The following LRRC7 variants were observed in gnomAD, a reference collection of about 807,000 sequenced individuals.
LRRC7 encodes the protein leucine-rich repeat-containing protein 7.
In LRRC7, 23 loss-of-function variants were observed where a neutral mutation model predicts 175.7. The ratio of observed to expected loss-of-function variants is 0.13; its 90% CI spans 0.09 to 0.19. LRRC7 has a LOEUF of 0.19. LRRC7 is among the 10% of genes least tolerant of loss of function. The probability of loss-of-function intolerance (pLI) is 1.00; values close to 1 mark genes in which losing one functional copy is unlikely to be tolerated. For missense variants in LRRC7, 1,354 were observed against 1,904.7 expected (o/e 0.71, Z 5.38); for synonymous variants, 685 against 680.9 (o/e 1.01, Z -0.09).
At chr1:69,771,554 C>T (rs754281677) in intron 3 of LRRC7, among the ~76,000 whole-genome samples, 2 of 152,068 alleles carry the variant, frequency 1.3e-5, no homozygotes, top group African/African-American at 4.8e-5. Flanking sequence ...GATTCAACAA[C>T]AAATTTGCTG....
At chr1:70,031,367 A>G (rs903091450) in intron 18 of LRRC7, 1 of 152,178 alleles carries the variant, frequency 6.6e-6, no homozygotes, top group Non-Finnish European at 1.5e-5. Flanking sequence ...GTTTTTTTGA[A>G]TTAATAATTA....
intron 3 of LRRC7, among the ~76,000 whole-genome samples, chr1:69,764,262 C>A (rs893309595): frequency 1.3e-5 from 2 of 151,372 alleles, no homozygotes; most frequent in African/African-American, 4.9e-5. Flanking sequence ...GAGTAATAGA[C>A]CATAACAGGT....
chr1:69,864,456 A>C (rs958354501), intron 7 of LRRC7, among the ~76,000 whole-genome samples: 2 of 152,234 alleles, frequency 1.3e-5, no homozygotes, highest in Non-Finnish European at 2.9e-5. Flanking sequence ...TGTGTGAAAA[A>C]GCATATTGGC....
At chr1:69,717,256 A>G (rs1318680929) in intron 2 of LRRC7, among the ~76,000 whole-genome samples, 2 of 151,778 alleles carry the variant, frequency 1.3e-5, no homozygotes, top group Admixed American at 1.3e-4. Flanking sequence ...AGATATTTCT[A>G]TAACCACAGA....
At chr1:69,835,644 T>C (rs2101336009) in intron 6 of LRRC7, among the ~76,000 whole-genome samples, 1 of 152,136 alleles carries the variant, frequency 6.6e-6, no homozygotes, top group South Asian at 2.1e-4. Context: ...TTGAAAATAT[T>C]TAACAACCAT....
intron 1 of LRRC7, among the ~76,000 whole-genome samples, chr1:69,661,632 A>C (rs1657490320): frequency 6.6e-6 from 1 of 152,154 alleles, no homozygotes; most frequent in African/African-American, 2.4e-5. Flanking sequence ...AGTGACTAGA[A>C]ACCATTGCCT....
intron 1 of LRRC7, among the ~76,000 whole-genome samples, chr1:69,637,101 C>CCCG (rs1653501431): frequency 8.7e-6 from 1 of 115,192 alleles, no homozygotes; most frequent in African/African-American, 2.7e-5. Context: ...TCTCTCTTCC[C>CCCG]CTCCCCCGCT....
chr1:70,042,029 T>TTTCA (rs1659947323), intron 21 of LRRC7, among the ~76,000 whole-genome samples: 1 of 152,236 alleles, frequency 6.6e-6, no homozygotes, highest in African/African-American at 2.4e-5. Context: ...CCTAGGTGTC[T>TTTCA]TTCATTTTTC....
chr1:70,032,530 TC>T (rs1658863166), intron 18 of LRRC7, among the ~76,000 whole-genome samples: 1 of 152,172 alleles, frequency 6.6e-6, no homozygotes, highest in Non-Finnish European at 1.5e-5. Context: ...GCCAATTCCT[TC>T]CCCATCCTCC....
At chr1:69,634,731 G>T (rs1412297511) in intron 1 of LRRC7, among the ~76,000 whole-genome samples, 1 of 151,920 alleles carries the variant, frequency 6.6e-6, no homozygotes, top group Non-Finnish European at 1.5e-5. Context: ...CTTTCTTAGG[G>T]TACTTTGGAC....
intron 3 of LRRC7, among the ~76,000 whole-genome samples, chr1:69,780,556 G>T (rs940658338): frequency 6.6e-6 from 1 of 152,008 alleles, no homozygotes; most frequent in Non-Finnish European, 1.5e-5. Context: ...AAGGGTAAAT[G>T]ATGTCACAAT....
intron 1 of LRRC7, among the ~76,000 whole-genome samples, chr1:69,630,931 G>A (rs12078287): frequency 0.093 from 14,171 of 151,952 alleles, 1,126 homozygotes; most frequent in African/African-American, 0.22. Context: ...AGCCAGATCT[G>A]TAACTTCTTC....
chr1:69,617,547 T>A (rs373210451), intron 1 of LRRC7, among the ~76,000 whole-genome samples: 34 of 61,992 alleles, frequency 5.5e-4, no homozygotes, highest in South Asian at 7.6e-4. Flanking sequence ...ATACTCACAG[T>A]AAAAAAAAAA....
In LRRC7 at chr1:70,129,609, G is replaced by A. The variant is rs1208227848; in HGVS notation, c.*7722G>A. 6.6e-6 allele frequency among the ~76,000 whole-genome samples: 1 copy of A among 152,178 alleles called. No individual in the cohort carries two copies. Reference sequence around the variant, plus strand: ...CCTCCTATGACCACTGTCAGGGAGCGTGGGAATCCATGCTGTCCAATGTTA... The same window carrying A: ...CCTCCTATGACCACTGTCAGGGAGCATGGGAATCCATGCTGTCCAATGTTA... On this transcript the variant is annotated 3_prime_UTR_variant, in exon 27 of 27. Transcript: ENST00000651989.
In LRRC7 at chr1:69,920,317, TA is replaced by T. The variant is rs796335027; in HGVS notation, c.648-11177del. On this transcript the variant is annotated intron_variant, in intron 7 of 26. Coordinates refer to ENST00000651989, the MANE Select transcript of LRRC7 (RefSeq NM_001370785.2). ...CACCCCCAATTAAATCCGGAACCAC[TA>T]AAAAAAAAAAAACCACCAAGGATGC... 5.7e-3 allele frequency: 784 copies of T among 138,454 alleles called. 4 individuals are homozygous for T. The highest frequency in any genetic ancestry group is 0.024 in the South Asian group (102 of 4,248). The allele number at this position is 138,454 out of a possible 1,614,324, so 8.6% of individuals were successfully genotyped here.
In LRRC7 at chr1:69,905,951, T is replaced by C. The variant is rs1646293440; in HGVS notation, c.648-25556T>C. Reference sequence around the variant, plus strand: ...CCTGACTTTTTAATGATCACCATCCTAACTGGTGTGAGATGGTATCTCATT... The same window carrying C: ...CCTGACTTTTTAATGATCACCATCCCAACTGGTGTGAGATGGTATCTCATT... On this transcript the variant is annotated intron_variant, in intron 7 of 26. Transcript: ENST00000651989. Among the ~76,000 whole-genome samples, 5 of 152,392 alleles carry C rather than the reference T, an allele frequency of 3.3e-5. No homozygotes were observed. In the South Asian group the frequency reaches 1.0e-3, roughly 32 times the overall value.
intron 7 of LRRC7, among the ~76,000 whole-genome samples, chr1:69,899,367 G>A (rs1246157222): frequency 3.3e-5 from 5 of 152,262 alleles, no homozygotes; most frequent in South Asian, 2.1e-4. Context: ...CCTTTCTGGA[G>A]AGGAAACTTT....
Position 70,038,457 on chromosome 1 carries a change from A to G in LRRC7, c.2633A>G (p.Asn878Ser), listed in dbSNP as rs771403094. Residue 878 changes from asparagine to serine, a missense_variant, in exon 21 of 27, where the codon AAT becomes AGT. Asn to Ser is a conservative substitution (Grantham distance 46). Around this residue, in one of 4 missense-constraint regions of LRRC7, gnomAD observed 1,032 missense variants for 1,227.2 expected, o/e 0.84. Coordinates refer to ENST00000651989, the MANE Select transcript of LRRC7 (RefSeq NM_001370785.2). ...CCAGAAACAGAAGTGCCTCCTTCCAATCCTTGGCAGAATTGGACCAGAACC... is the reference window on the plus strand; with the variant it reads ...CCAGAAACAGAAGTGCCTCCTTCCAGTCCTTGGCAGAATTGGACCAGAACC... Reference protein sequence around the residue: ...HTPETEVPPSNPWQNWTRTPS... With the variant: ...HTPETEVPPSSPWQNWTRTPS... 9.3e-6 allele frequency: 15 copies of G among 1,613,986 alleles called. No individual in the cohort carries two copies. Among genetic ancestry groups the G allele is most frequent in the Non-Finnish European group, 1.3e-5 (15 of 1,180,012 alleles).
intron 1 of LRRC7, among the ~76,000 whole-genome samples, chr1:69,619,686 G>A (rs1650246461): frequency 6.6e-6 from 1 of 152,162 alleles, no homozygotes; most frequent in Non-Finnish European, 1.5e-5. Context: ...TGTGGCAAAT[G>A]GGTTCAAGTG....
Sources: gnomAD v4.1 joint callset for allele counts (sites outside exome capture counted in the v4.1 genomes callset) on GRCh38, gnomAD v4.1.1 for gene constraint, gnomAD v4.1.1 regional missense constraint, MANE v1.5 for transcripts, NCBI Gene and HGNC (gene_info 2026-07-23, HGNC 2026-07-21) for gene names.